The following LAMA3 variants were observed in gnomAD, a reference collection of about 807,000 sequenced individuals.
The protein encoded by LAMA3 is laminin subunit alpha-3.
Under a neutral mutation model 402.0 loss-of-function variants are expected in LAMA3, and 281 were observed. That is an observed-to-expected ratio of 0.70 (90% CI 0.63 to 0.77). The LOEUF is 0.77. Ranked by LOEUF, LAMA3 falls within the 30% of genes least tolerant of loss-of-function variation. The pLI, the probability that LAMA3 is intolerant of heterozygous loss-of-function variation, is 0.00. For synonymous variants in LAMA3, 1,431 were observed against 1,558.4 expected (o/e 0.92, Z 1.93); for missense variants, 3,840 against 4,215.5 (o/e 0.91, Z 2.47).
At chr18:23,793,778 T>TA (rs1271245591) in intron 12 of LAMA3, among the ~76,000 whole-genome samples, 1 of 152,180 alleles carries the variant, frequency 6.6e-6, no homozygotes, top group Non-Finnish European at 1.5e-5. Flanking sequence ...ACTGCTTACC[T>TA]AAAGACAGTG....
At chr18:23,775,949 G>A in intron 10 of LAMA3, 26 bp downstream of exon 10, 6 of 1,613,924 alleles carry the variant, frequency 3.7e-6, no homozygotes, top group Non-Finnish European at 5.1e-6. Flanking sequence ...AGAACAAGAG[G>A]CCACCCTTTT....
At chr18:23,892,638 C>T (rs2080717018) in intron 42 of LAMA3, among the ~76,000 whole-genome samples, 1 of 152,060 alleles carries the variant, frequency 6.6e-6, no homozygotes, top group Admixed American at 6.5e-5. Flanking sequence ...CATGGTGGCT[C>T]ATGCCTGTAA....
chr18:23,861,334 T>C (rs2064214627), intron 34 of LAMA3, among the ~76,000 whole-genome samples: 1 of 152,226 alleles, frequency 6.6e-6, no homozygotes, highest in South Asian at 2.1e-4. Context: ...GTCCTAGTTT[T>C]TATTCATACA....
At chr18:23,699,500 G>T (rs1446013687) in intron 1 of LAMA3, among the ~76,000 whole-genome samples, 1 of 152,210 alleles carries the variant, frequency 6.6e-6, no homozygotes, top group Non-Finnish European at 1.5e-5. Context: ...AATGCGTCAG[G>T]TTGGGGTCAG....
chr18:23,726,808 G>A (rs983812602), intron 2 of LAMA3, among the ~76,000 whole-genome samples: 4 of 152,014 alleles, frequency 2.6e-5, no homozygotes, highest in Non-Finnish European at 5.9e-5. Flanking sequence ...AGTACAGACG[G>A]GGTTTCACCA....
intron 18 of LAMA3, 60 bp downstream of exon 18, chr18:23,816,547 C>G (rs2063179466): frequency 7.4e-7 from 1 of 1,343,116 alleles, no homozygotes; most frequent in African/African-American, 1.4e-5. Flanking sequence ...TTAGACATTC[C>G]TGCCTGTGCT....
In LAMA3 at chr18:23,871,466, G is replaced by A. The variant is rs1455248814; in HGVS notation, c.4803G>A (p.Val1601=). The A allele has an allele frequency of 1.9e-6, 3 of 1,614,008 alleles. No homozygotes were observed. The highest frequency in any genetic ancestry group is 2.5e-6 in the Non-Finnish European group (3 of 1,179,964). The change falls in exon 38 of 75, where the codon GTG becomes GTA. Residue 1601 remains valine, a synonymous_variant. Transcript: ENST00000313654. ...GACATGCCAGCAGCCGTGCCCCAGT[G>A]TCTAGGGAGGAGCTGATGACAGTGC... is the stretch of plus-strand genomic sequence containing the variant. ...NFRHASSRAP[V]SREELMTVLS...
At chr18:23,775,762 G>A (rs752003851) in intron 9 of LAMA3, 30 bp from the exon 10 acceptor site, 11 of 1,613,616 alleles carry the variant, frequency 6.8e-6, no homozygotes, top group South Asian at 5.5e-5. Context: ...AGTGAAGGAC[G>A]GATCCTTTGA....
intron 37 of LAMA3, among the ~76,000 whole-genome samples, chr18:23,870,085 A>G (rs2064472284): frequency 2.0e-5 from 3 of 152,138 alleles, no homozygotes; most frequent in African/African-American, 4.8e-5. Flanking sequence ...TGGGCAGATC[A>G]TGAGGTCAGG....
rs2082415644 is a variant in LAMA3 at position 23,939,343 on chromosome 18, A to G, written c.8983A>G (p.Ser2995Gly). The change falls in exon 68 of 75, where the codon AGC (serine) becomes GGC (glycine). Residue 2995 changes from serine to glycine, a missense_variant. Physicochemically the swap from Ser to Gly is moderately conservative, Grantham distance 56. Transcript: ENST00000313654. Reference protein sequence around the residue: ...GALQFGDIPTSHLLFKLPQEL... With the variant: ...GALQFGDIPTGHLLFKLPQEL... ...CCTCCAGTTTGGGGACATTCCCACCAGCCACTTGCTATTCAAGCTTCCTCA... is the reference window on the plus strand; with the variant it reads ...CCTCCAGTTTGGGGACATTCCCACCGGCCACTTGCTATTCAAGCTTCCTCA... The G allele has an allele frequency of 1.2e-6, 2 of 1,614,206 alleles. No homozygotes were observed. The highest frequency in any genetic ancestry group is 1.7e-6 in the Non-Finnish European group (2 of 1,180,036).
chr18:23,731,067 C>T (rs59379200), intron 2 of LAMA3, among the ~76,000 whole-genome samples: 1 of 152,066 alleles, frequency 6.6e-6, no homozygotes, highest in Non-Finnish European at 1.5e-5. Context: ...CCTTTTACAA[C>T]CCCTAATGGA....
rs184920362 is a variant in LAMA3 at position 23,900,342 on chromosome 18, A to G, written c.6005-785A>G. Among the ~76,000 whole-genome samples, 366 of 152,318 alleles carry G rather than the reference A, an allele frequency of 2.4e-3. 3 individuals are homozygous for G. The highest frequency in any genetic ancestry group is 0.016 in the South Asian group (78 of 4,830). On this transcript the variant is annotated intron_variant, in intron 47 of 74. Transcript: ENST00000313654. ...TGCCTTGGTCTCCCAGTGTGCTGAG[A>G]TTACAGGCGTGAGCCACCGCACCCA...
intron 40 of LAMA3, 98 bp from the exon 41 acceptor site, chr18:23,884,675 G>T: frequency 8.9e-7 from 1 of 1,128,662 alleles, no homozygotes. Flanking sequence ...CTGGGTTTCA[G>T]TGCTCACTTA....
At chr18:23,910,659 T>C (rs2081397342) in intron 55 of LAMA3, among the ~76,000 whole-genome samples, 2 of 152,112 alleles carry the variant, frequency 1.3e-5, no homozygotes, top group Non-Finnish European at 2.9e-5. Context: ...TTAACAGACA[T>C]GGATAAGAAT....
At chr18:23,902,594 C>G (rs977455419) in intron 48 of LAMA3, among the ~76,000 whole-genome samples, 1 of 152,178 alleles carries the variant, frequency 6.6e-6, no homozygotes, top group African/African-American at 2.4e-5. Context: ...TGGCAGCCTT[C>G]CAGCCTGGCA....
intron 1 of LAMA3, among the ~76,000 whole-genome samples, chr18:23,713,225 C>A (rs910394056): frequency 6.6e-6 from 1 of 152,154 alleles, no homozygotes; most frequent in African/African-American, 2.4e-5. Context: ...ACCTGGCAAG[C>A]CTTGTCTCTC....
intron 24 of LAMA3, chr18:23,834,352 G>GA (rs1156819970): frequency 6.7e-6 from 2 of 296,718 alleles, no homozygotes; most frequent in South Asian, 6.9e-5. Flanking sequence ...ATAGCACAAG[G>GA]AAAAAGACTC....
At chr18:23,884,692 G>A in intron 40 of LAMA3, 81 bp from the exon 41 acceptor site, 3 of 1,297,236 alleles carry the variant, frequency 2.3e-6, no homozygotes, top group African/African-American at 1.5e-5. Context: ...CTTAATACAA[G>A]CCAGTCCTTT....
intron 32 of LAMA3, 78 bp from the exon 33 acceptor site, chr18:23,857,766 T>A: frequency 1.3e-6 from 2 of 1,576,484 alleles, no homozygotes; most frequent in Non-Finnish European, 8.7e-7. Flanking sequence ...CACCAATTAG[T>A]CCACTATAGT....
Sources: gnomAD v4.1 joint callset for allele counts (sites outside exome capture counted in the v4.1 genomes callset) on GRCh38, gnomAD v4.1.1 for gene constraint, MANE v1.5 for transcripts, NCBI Gene and HGNC (gene_info 2026-07-23, HGNC 2026-07-21) for gene names.